BEAN1: variants seen among roughly 807,000 people sequenced by gnomAD.
BEAN1 encodes protein BEAN1.
Under a neutral mutation model 17.7 loss-of-function variants are expected in BEAN1, and 17 were observed. That is an observed-to-expected ratio of 0.96 (90% CI 0.66 to 1.44). The LOEUF (loss-of-function observed/expected upper bound fraction) is 1.44, where lower values mean the gene tolerates loss of function less well. Ranked by LOEUF, BEAN1 falls within the 40% of genes most tolerant of loss-of-function variation. The probability of loss-of-function intolerance (pLI) is 0.00; values close to 1 mark genes in which losing one functional copy is unlikely to be tolerated. For missense variants in BEAN1, 359 were observed against 374.1 expected, an observed-to-expected ratio of 0.96 and a Z score of 0.33; for synonymous variants, 142 against 151.8, an observed-to-expected ratio of 0.94 and a Z score of 0.47.
intron 2 of BEAN1, among the ~76,000 whole-genome samples, chr16:66,462,485 C>G (rs1006615972): frequency 6.6e-6 from 1 of 152,150 alleles, no homozygotes; most frequent in Non-Finnish European, 1.5e-5. Context: ...CCTGGCTGGG[C>G]GCTGCAGATT....
At chr16:66,478,457 C>T (rs887973361) in intron 4 of BEAN1, among the ~76,000 whole-genome samples, 2 of 152,072 alleles carry the variant, frequency 1.3e-5, no homozygotes, top group Non-Finnish European at 2.9e-5. Flanking sequence ...AAAAAATTCG[C>T]CGGGCGTGGT....
rs1596961852 is a variant in BEAN1 at position 66,427,482 on chromosome 16, C to G, written c.-83+51C>G. ...CGGGGGAGGGGCGGGCGGGGGGTCC[C>G]GGCCCCATTCCCCCGCGCTCTGCGG... is the stretch of plus-strand genomic sequence containing the variant. On this transcript the variant is annotated intron_variant, in intron 1 of 4. Transcript: ENST00000536005. This position sits in a 1 kb window ranked among gnomAD's most constrained non-coding sequence, Gnocchi z 4.7. 6.6e-6 allele frequency: 1 copy of G among 151,206 alleles called. No individual in the cohort carries two copies. Among genetic ancestry groups the G allele is most frequent in the Non-Finnish European group, 1.5e-5 (1 of 67,636 alleles). The allele number at this position is 151,206 out of a possible 1,614,324, so 9.4% of individuals were successfully genotyped here. A position where few individuals can be genotyped will look rare whatever the true frequency, so the allele number is the denominator to read the frequency against.
intron 2 of BEAN1, among the ~76,000 whole-genome samples, chr16:66,448,832 A>T (rs758929261): frequency 2.0e-5 from 3 of 152,196 alleles, no homozygotes; most frequent in Non-Finnish European, 4.4e-5. Flanking sequence ...AAAGAAAAGA[A>T]AAAGAAAGAA....
At chr16:66,493,778 C>T (rs147486106), downstream of BEAN1, among the ~76,000 whole-genome samples, 20 of 152,306 alleles carry the variant, frequency 1.3e-4, no homozygotes, top group East Asian at 3.9e-3. Flanking sequence ...GCTGGCCAGC[C>T]CCAGAATAGA....
At chr16:66,486,407 C>G (rs1029691147), downstream of BEAN1, among the ~76,000 whole-genome samples, 1 of 152,174 alleles carries the variant, frequency 6.6e-6, no homozygotes, top group African/African-American at 2.4e-5. Context: ...GCACATGTCA[C>G]TGCGCCCAGC....
chr16:66,488,063 C>T (rs929319808), intron 4 of BEAN1, among the ~76,000 whole-genome samples: 8 of 152,172 alleles, frequency 5.3e-5, no homozygotes, highest in African/African-American at 1.4e-4. Flanking sequence ...CCATGCCCAG[C>T]GTTCTCACCC....
downstream of BEAN1, among the ~76,000 whole-genome samples, chr16:66,494,266 C>T (rs563421738): frequency 3.9e-5 from 6 of 152,300 alleles, no homozygotes; most frequent in African/African-American, 1.4e-4. Context: ...CTATGGCTTG[C>T]TTGTGAGGCA....
chr16:66,461,352 C>A (rs558134979), intron 2 of BEAN1, among the ~76,000 whole-genome samples: 1 of 152,298 alleles, frequency 6.6e-6, no homozygotes, highest in Admixed American at 6.5e-5. Flanking sequence ...AATTTCCTAG[C>A]TGTCCAAGCA....
intron 4 of BEAN1, among the ~76,000 whole-genome samples, chr16:66,490,100 G>C (rs1018923554): frequency 6.6e-6 from 1 of 151,358 alleles, no homozygotes; most frequent in African/African-American, 2.4e-5. Flanking sequence ...CAGGTCCTCA[G>C]CCAGATGCGG....
In BEAN1 at chr16:66,482,277, C is replaced by T. The variant is rs923982477; in HGVS notation, c.*1352C>T. On this transcript the variant is annotated 3_prime_UTR_variant, in exon 5 of 5. Transcript: ENST00000536005. Reference sequence around the variant, plus strand: ...CTCCCTCCCACCTCTTGTCCCTCGTCGTTAAAAAACAGCACCCTATCCTGC... The same window carrying T: ...CTCCCTCCCACCTCTTGTCCCTCGTTGTTAAAAAACAGCACCCTATCCTGC... 23 of 153,412 alleles carry T rather than the reference C, an allele frequency of 1.5e-4. No individual in the cohort carries two copies. The highest frequency in any genetic ancestry group is 2.6e-4 in the Admixed American group (4 of 15,466). The allele number at this position is 153,412 out of a possible 1,614,324, so 9.5% of individuals were successfully genotyped here.
chr16:66,429,564 G>A (rs1961715688), intron 1 of BEAN1, among the ~76,000 whole-genome samples: 1 of 152,172 alleles, frequency 6.6e-6, no homozygotes, highest in South Asian at 2.1e-4. Context: ...CAGCTGCCCA[G>A]AACAGGGATG....
At chr16:66,446,075 C>A (rs1403238398) in intron 2 of BEAN1, among the ~76,000 whole-genome samples, 1 of 151,946 alleles carries the variant, frequency 6.6e-6, no homozygotes, top group Non-Finnish European at 1.5e-5. Flanking sequence ...CCCAGCTACT[C>A]GGGAGGCTGA....
chr16:66,437,776 C>T lies in BEAN1; in HGVS notation c.25+75C>T, dbSNP rs573510176. 646 of 1,476,618 alleles carry T rather than the reference C, an allele frequency of 4.4e-4. 5 individuals carry two copies. The South Asian group carries it at 5.1e-3, about 12-fold the overall frequency. The allele number at this position is 1,476,618 out of a possible 1,614,324, so 91.5% of individuals were successfully genotyped here. A position where few individuals can be genotyped will look rare whatever the true frequency, so the allele number is the denominator to read the frequency against. Reference sequence around the variant, plus strand: ...GAGCTTGGAGTCGAGCTGCAGAGAACGGCTTGAGGTGTTTGGCCAAAGAAC... The same window carrying T: ...GAGCTTGGAGTCGAGCTGCAGAGAATGGCTTGAGGTGTTTGGCCAAAGAAC... On this transcript the variant is annotated intron_variant, in intron 2 of 4. Transcript: ENST00000536005.
chr16:66,494,884 T>G (rs149027821), downstream of BEAN1, among the ~76,000 whole-genome samples: 857 of 152,318 alleles, frequency 5.6e-3, 1 homozygote, highest in Non-Finnish European at 7.6e-3. Context: ...TCATTCCTCA[T>G]TGGGATCCCA....
intron 4 of BEAN1, among the ~76,000 whole-genome samples, chr16:66,478,567 A>G (rs940284601): frequency 1.6e-4 from 24 of 152,164 alleles, no homozygotes; most frequent in Non-Finnish European, 5.9e-5. Flanking sequence ...GCACCACTGC[A>G]CTCCAGCCTT....
Position 66,482,705 on chromosome 16 carries a change from GT to G in BEAN1, c.*1783del. ...TAAAAATTCCTACCTACTCATCAGT[GT>G]TTGAAAGATGGAGCTGAATAGCTTT... is the stretch of plus-strand genomic sequence containing the variant. On this transcript the variant is annotated 3_prime_UTR_variant, in exon 5 of 5. Coordinates refer to ENST00000536005, the MANE Select transcript of BEAN1 (RefSeq NM_001178020.3). The G allele has an allele frequency of 2.7e-6, 1 of 370,018 alleles. No homozygotes were observed. The highest frequency in any genetic ancestry group is 3.6e-5 in the Admixed American group (1 of 28,082). 22.9% of individuals were successfully genotyped at this position (370,018 alleles called of 1,614,324 possible). A position where few individuals can be genotyped will look rare whatever the true frequency, so the allele number is the denominator to read the frequency against.
At chr16:66,469,148 C>T (rs1008053) in intron 2 of BEAN1, among the ~76,000 whole-genome samples, 13,974 of 152,272 alleles carry the variant, frequency 0.092, 811 homozygotes, top group East Asian at 0.22. Flanking sequence ...TGCCTGAAGC[C>T]GGCAGAATCG....
chr16:66,474,583 A>C (rs1214874541), intron 3 of BEAN1, among the ~76,000 whole-genome samples: 1 of 12,912 alleles, frequency 7.7e-5, no homozygotes, highest in Non-Finnish European at 1.4e-4. Context: ...GGAGGGAGAG[A>C]GGGAGGGAGG....
intron 2 of BEAN1, among the ~76,000 whole-genome samples, chr16:66,453,756 C>G (rs953740023): frequency 6.6e-6 from 1 of 150,550 alleles, no homozygotes; most frequent in Non-Finnish European, 1.5e-5. Flanking sequence ...GTCAGGGGGA[C>G]AGAGTCTTGC....
Sources: allele counts gnomAD v4.1 joint callset (sites outside exome capture counted in the v4.1 genomes callset), GRCh38; gene constraint gnomAD v4.1.1; non-coding constraint Gnocchi (gnomAD v3.1); transcripts MANE v1.5; gene names NCBI Gene and HGNC (gene_info 2026-07-23, HGNC 2026-07-21).